The following TMEM163 variants were observed in gnomAD, a reference collection of about 807,000 sequenced individuals.
TMEM163 encodes the protein transmembrane protein 163.
A neutral mutation model predicts 29.3 loss-of-function variants in TMEM163; 17 were observed. The ratio of observed to expected loss-of-function variants is 0.58; its 90% CI spans 0.40 to 0.87. The LOEUF is 0.87. Ranked by LOEUF, TMEM163 falls within the 40% of genes least tolerant of loss-of-function variation. The pLI is 0.00. For missense variants in TMEM163, 303 were observed against 381.5 expected, an observed-to-expected ratio of 0.79 and a Z score of 1.71; for synonymous variants, 157 against 160.6, an observed-to-expected ratio of 0.98 and a Z score of 0.17.
chr2:134,598,074 T>C (rs776149542), intron 2 of TMEM163, among the ~76,000 whole-genome samples: 3 of 152,196 alleles, frequency 2.0e-5, no homozygotes, highest in Non-Finnish European at 2.9e-5. Context: ...CCTGGATTCA[T>C]TGATGTTTTG....
chr2:134,690,678 T>C (rs1221107249), intron 2 of TMEM163, among the ~76,000 whole-genome samples: 1 of 152,240 alleles, frequency 6.6e-6, no homozygotes, highest in African/African-American at 2.4e-5. Context: ...TTCAGAGCCT[T>C]GAGCAAACTA....
At chr2:134,467,759 C>G (rs2106474898) in intron 5 of TMEM163, 1 of 152,332 alleles carries the variant, frequency 6.6e-6, no homozygotes, top group East Asian at 1.9e-4. Context: ...GTGAATAGTG[C>G]TGTCATCTCA....
intron 2 of TMEM163, among the ~76,000 whole-genome samples, chr2:134,613,177 C>T (rs1682542864): frequency 6.6e-6 from 1 of 152,062 alleles, no homozygotes; most frequent in African/African-American, 2.4e-5. Flanking sequence ...AAGAAAAAAT[C>T]AGCAAACTTG....
At chr2:134,659,410 C>T (rs969266476) in intron 2 of TMEM163, among the ~76,000 whole-genome samples, 5 of 152,158 alleles carry the variant, frequency 3.3e-5, no homozygotes, top group African/African-American at 9.7e-5. Flanking sequence ...TAGCACAGAC[C>T]GTAGAGGGGC....
chr2:134,524,902 G>A (rs1017426948), intron 4 of TMEM163, among the ~76,000 whole-genome samples: 14 of 150,030 alleles, frequency 9.3e-5, no homozygotes, highest in African/African-American at 3.4e-4. Context: ...GGATTGCTGT[G>A]TCAAATGGTA....
chr2:134,462,949 A>G (rs1010043307), intron 6 of TMEM163, among the ~76,000 whole-genome samples: 1 of 152,204 alleles, frequency 6.6e-6, no homozygotes, highest in African/African-American at 2.4e-5. Flanking sequence ...GCGGTCAGTG[A>G]GGTGGATAAA....
At chr2:134,463,705 T>C (rs1484133856) in intron 6 of TMEM163, among the ~76,000 whole-genome samples, 1 of 152,214 alleles carries the variant, frequency 6.6e-6, no homozygotes, top group African/African-American at 2.4e-5. Context: ...CAACCACGTT[T>C]TGGGGATCAG....
intron 2 of TMEM163, among the ~76,000 whole-genome samples, chr2:134,586,370 C>A (rs1681824644): frequency 6.6e-6 from 1 of 152,230 alleles, no homozygotes; most frequent in African/African-American, 2.4e-5. Context: ...CCAGCCCTCT[C>A]TCTAGCTGCT....
chr2:134,592,384 C>T (rs1681956209), intron 2 of TMEM163, among the ~76,000 whole-genome samples: 1 of 152,234 alleles, frequency 6.6e-6, no homozygotes, highest in Non-Finnish European at 1.5e-5. Context: ...CTTTGCAAGG[C>T]CATTTCAAAA....
intron 2 of TMEM163, among the ~76,000 whole-genome samples, chr2:134,611,877 G>T (rs1009542474): frequency 1.3e-5 from 2 of 152,224 alleles, no homozygotes; most frequent in Admixed American, 6.5e-5. Context: ...ACAGTCACTT[G>T]CAGGAAAGTA....
chr2:134,631,051 A>G (rs1257468323), intron 2 of TMEM163, among the ~76,000 whole-genome samples: 1 of 152,200 alleles, frequency 6.6e-6, no homozygotes, highest in Non-Finnish European at 1.5e-5. Flanking sequence ...AACCAGCAAC[A>G]AAGTACAAAC....
At chr2:134,576,148 G>T (rs1198854872) in intron 2 of TMEM163, among the ~76,000 whole-genome samples, 1 of 152,160 alleles carries the variant, frequency 6.6e-6, no homozygotes, top group Non-Finnish European at 1.5e-5. Flanking sequence ...GCTGGAGCGG[G>T]GTGGTGTGAG....
chr2:134,598,277 G>A (rs967087664), intron 2 of TMEM163, among the ~76,000 whole-genome samples: 1 of 152,084 alleles, frequency 6.6e-6, no homozygotes, highest in Non-Finnish European at 1.5e-5. Context: ...GCCAAGAAAT[G>A]GTGTCACCTG....
At chr2:134,596,770 G>C (rs1295379882) in intron 2 of TMEM163, among the ~76,000 whole-genome samples, 2 of 151,988 alleles carry the variant, frequency 1.3e-5, no homozygotes, top group African/African-American at 4.8e-5. Flanking sequence ...CCATTTGTTC[G>C]TGTCCTCTTT....
At chr2:134,513,937 C>G (rs1574195239) in intron 4 of TMEM163, among the ~76,000 whole-genome samples, 1 of 152,238 alleles carries the variant, frequency 6.6e-6, no homozygotes, top group Admixed American at 6.5e-5. Context: ...TGAACCAACA[C>G]CCCTGGGTGT....
chr2:134,584,565 G>A (rs1681767375), intron 2 of TMEM163, among the ~76,000 whole-genome samples: 1 of 151,270 alleles, frequency 6.6e-6, no homozygotes. Flanking sequence ...ATGTTTGTTT[G>A]GAAGATAAAG....
intron 2 of TMEM163, among the ~76,000 whole-genome samples, chr2:134,569,202 G>A (rs562126013): frequency 6.6e-6 from 1 of 152,272 alleles, no homozygotes; most frequent in South Asian, 2.1e-4. Context: ...ATTCTTCCCT[G>A]ACAGCATCAG....
At chr2:134,556,082 C>A (rs1460151390) in intron 2 of TMEM163, among the ~76,000 whole-genome samples, 1 of 152,178 alleles carries the variant, frequency 6.6e-6, no homozygotes, top group Non-Finnish European at 1.5e-5. Context: ...ACAGGAGCTA[C>A]AGGTAGTGAT....
In TMEM163 at chr2:134,595,960, G is replaced by A. The variant is rs193283046; in HGVS notation, c.323-43869C>T. On this transcript the variant is annotated intron_variant, in intron 2 of 7. Transcript: ENST00000281924. Reference sequence around the variant, plus strand: ...TATTCTTCACCCACTTGTTGATGGGGTTGTTTTTTTCTTATAAATTTGTTT... The same window carrying A: ...TATTCTTCACCCACTTGTTGATGGGATTGTTTTTTTCTTATAAATTTGTTT... Among the ~76,000 whole-genome samples, 7 of 152,044 alleles carry A rather than the reference G, an allele frequency of 4.6e-5. No individual in the cohort carries two copies. In the East Asian group the frequency reaches 1.4e-3, roughly 29 times the overall value.
Sources: allele counts gnomAD v4.1 joint callset (sites outside exome capture counted in the v4.1 genomes callset), GRCh38; gene constraint gnomAD v4.1.1; transcripts MANE v1.5; gene names NCBI Gene and HGNC (gene_info 2026-07-23, HGNC 2026-07-21).